Variants in MAGI1 observed in about 807,000 individuals in gnomAD.
The protein encoded by MAGI1 is membrane associated guanylate kinase, WW and PDZ domain containing 1, also known as membrane-associated guanylate kinase, WW and PDZ domain-containing protein 1.
A neutral mutation model predicts 139.9 loss-of-function variants in MAGI1; 58 were observed. The ratio of observed to expected loss-of-function variants is 0.41; its 90% confidence interval spans 0.34 to 0.52. MAGI1 has a LOEUF of 0.52. Among genes scored for constraint, MAGI1 ranks in the 20% least tolerant of loss-of-function variants. The pLI, the probability that MAGI1 is intolerant of heterozygous loss-of-function variation, is 0.12. For synonymous variants in MAGI1, 812 were observed against 737.9 expected, an observed-to-expected ratio of 1.10 and a Z score of -1.63; for missense variants, 1,874 against 1,901.6, an observed-to-expected ratio of 0.99 and a Z score of 0.27.
At chr3:66,037,775 C>G (rs1339825698) in intron 1 of MAGI1, among the ~76,000 whole-genome samples, 1 of 152,192 alleles carries the variant, frequency 6.6e-6, no homozygotes, top group Non-Finnish European at 1.5e-5. Context: ...AACGTCCCCC[C>G]GCTACCTTGC....
intron 2 of MAGI1, among the ~76,000 whole-genome samples, chr3:65,581,511 G>T (rs1018882042): frequency 2.0e-5 from 3 of 151,942 alleles, no homozygotes; most frequent in Non-Finnish European, 2.9e-5. Context: ...TGCTCACTTT[G>T]TCCCAGCCAC....
chr3:65,951,761 C>T (rs575066504), intron 1 of MAGI1, among the ~76,000 whole-genome samples: 4 of 152,118 alleles, frequency 2.6e-5, no homozygotes, highest in Non-Finnish European at 4.4e-5. Flanking sequence ...ATCATTTTTA[C>T]GCATGGAGTT....
chr3:65,826,017 T>TTA lies in MAGI1; in HGVS notation c.314-203931_314-203930dup, dbSNP rs552161195. Among the ~76,000 whole-genome samples the TTA allele has an allele frequency of 8.3e-4, 126 of 151,512 alleles. No individual in the cohort carries two copies. In the East Asian group the frequency reaches 0.01, roughly 12 times the overall value. ...ATAATAATAATAAAATTTTTGAATTTTATATATATATATGCATATGTATTT... is the reference window on the plus strand; with the variant it reads ...ATAATAATAATAAAATTTTTGAATTTTATATATATATATATGCATATGTATTT... On this transcript the variant is annotated intron_variant, in intron 1 of 22. Coordinates refer to ENST00000402939, the MANE Select transcript of MAGI1 (RefSeq NM_001033057.2).
intron 5 of MAGI1, among the ~76,000 whole-genome samples, chr3:65,459,594 T>C (rs1279160015): frequency 6.6e-6 from 1 of 152,220 alleles, no homozygotes; most frequent in African/African-American, 2.4e-5. Context: ...TCAATCTGTA[T>C]GGCTTTTACT....
chr3:65,477,724 TATTTA>T (rs1950986406), intron 4 of MAGI1, among the ~76,000 whole-genome samples: 1 of 147,286 alleles, frequency 6.8e-6, no homozygotes, highest in East Asian at 2.0e-4. Flanking sequence ...TTTTTTTTTT[TATTTA>T]TATTTTTTGA....
chr3:65,917,998 A>G (rs2061987260), intron 1 of MAGI1, among the ~76,000 whole-genome samples: 1 of 152,140 alleles, frequency 6.6e-6, no homozygotes, highest in Non-Finnish European at 1.5e-5. Context: ...GGACGTTGAT[A>G]ATGGGGGAGG....
At chr3:65,979,406 T>C (rs2065451215) in intron 1 of MAGI1, among the ~76,000 whole-genome samples, 2 of 152,158 alleles carry the variant, frequency 1.3e-5, no homozygotes, top group Non-Finnish European at 2.9e-5. Flanking sequence ...CTGGGACATG[T>C]GGTTTCAGCT....
chr3:65,436,325 ACT>A (rs931535025), intron 10 of MAGI1, among the ~76,000 whole-genome samples: 9 of 152,226 alleles, frequency 5.9e-5, no homozygotes, highest in African/African-American at 2.2e-4. Context: ...ACATCCCCCA[ACT>A]CTGTCAAACA....
In MAGI1 at chr3:65,855,749, A is replaced by G. The variant is rs1041741764; in HGVS notation, c.313+182247T>C. 2.0e-5 allele frequency among the ~76,000 whole-genome samples: 3 copies of G among 151,670 alleles called. No individual in the cohort carries two copies. In the East Asian group the frequency reaches 5.9e-4, roughly 30 times the overall value. On this transcript the variant is annotated intron_variant, in intron 1 of 22. Coordinates refer to ENST00000402939, the MANE Select transcript of MAGI1 (RefSeq NM_001033057.2). ...TAGCACATGTAGATTTGTAAGAACCAACACCGGATAGCCCATTAACCCCCA... is the reference window on the plus strand; with the variant it reads ...TAGCACATGTAGATTTGTAAGAACCGACACCGGATAGCCCATTAACCCCCA...
Position 65,981,187 on chromosome 3 carries a change from T to C in MAGI1, c.313+56809A>G, listed in dbSNP as rs1437969403. Among the ~76,000 whole-genome samples the C allele has an allele frequency of 4.6e-5, 7 of 151,746 alleles. 1 individual carries two copies. Among genetic ancestry groups the C allele is most frequent in the Admixed American group, 3.3e-4 (5 of 15,206 alleles). ...AAAAAGAAAAGGAAAGAAAAGAAAT[T>C]TAATTTCCTAGTCACACTAGCCACA... is the stretch of plus-strand genomic sequence containing the variant. On this transcript the variant is annotated intron_variant, in intron 1 of 22. Transcript: ENST00000402939.
intron 1 of MAGI1, among the ~76,000 whole-genome samples, chr3:65,845,038 G>T (rs992911776): frequency 4.6e-5 from 7 of 152,062 alleles, no homozygotes; most frequent in Non-Finnish European, 1.0e-4. Context: ...GCATCAAAAG[G>T]TCAGGAGTTC....
intron 18 of MAGI1, among the ~76,000 whole-genome samples, chr3:65,367,360 T>G (rs1941530577): frequency 6.6e-6 from 1 of 152,212 alleles, no homozygotes; most frequent in Non-Finnish European, 1.5e-5. Context: ...AATTCCTTTA[T>G]TATTTTTATT....
intron 1 of MAGI1, among the ~76,000 whole-genome samples, chr3:65,804,445 T>C (rs2040713186): frequency 6.6e-5 from 10 of 151,750 alleles, no homozygotes; most frequent in Admixed American, 6.6e-4. Context: ...TAAATTACAT[T>C]GATATTTATA....
intron 2 of MAGI1, among the ~76,000 whole-genome samples, chr3:65,611,616 T>A (rs1375531495): frequency 8.6e-6 from 1 of 116,924 alleles, no homozygotes; most frequent in African/African-American, 3.1e-5. Flanking sequence ...TATACTATAC[T>A]AGTATATACA....
At chr3:65,796,891 G>T (rs1231741118) in intron 1 of MAGI1, among the ~76,000 whole-genome samples, 2 of 152,222 alleles carry the variant, frequency 1.3e-5, no homozygotes, top group Non-Finnish European at 2.9e-5. Flanking sequence ...CTGTGGGTCA[G>T]ATTTGGCCTC....
intron 2 of MAGI1, among the ~76,000 whole-genome samples, chr3:65,566,309 A>C (rs1031683264): frequency 2.0e-5 from 3 of 152,206 alleles, no homozygotes; most frequent in African/African-American, 7.2e-5. Flanking sequence ...TAATATAGGC[A>C]CATGTCACTT....
At chr3:65,787,087 CTAAT>C (rs904094819) in intron 1 of MAGI1, among the ~76,000 whole-genome samples, 6 of 152,108 alleles carry the variant, frequency 3.9e-5, no homozygotes, top group African/African-American at 1.4e-4. Flanking sequence ...TGACATCAGA[CTAAT>C]TTATGGAACA....
At chr3:65,459,016 A>G (rs1313200555) in intron 5 of MAGI1, among the ~76,000 whole-genome samples, 1 of 152,192 alleles carries the variant, frequency 6.6e-6, no homozygotes, top group Non-Finnish European at 1.5e-5. Flanking sequence ...ATTCATCTGT[A>G]TATGGATATC....
intron 2 of MAGI1, among the ~76,000 whole-genome samples, chr3:65,534,979 G>T (rs571041484): frequency 4.3e-4 from 65 of 152,258 alleles, no homozygotes; most frequent in African/African-American, 1.5e-3. Flanking sequence ...AACTCTCCAT[G>T]TGGGGGACAA....
Sources: allele counts gnomAD v4.1 joint callset (sites outside exome capture counted in the v4.1 genomes callset), GRCh38; gene constraint gnomAD v4.1.1; transcripts MANE v1.5; gene names NCBI Gene and HGNC (gene_info 2026-07-23, HGNC 2026-07-21).